The following SCUBE2 variants were observed in gnomAD, a reference collection of about 807,000 sequenced individuals.
The protein encoded by SCUBE2 is signal peptide, CUB and EGF-like domain-containing protein 2.
A neutral mutation model predicts 125.9 loss-of-function variants in SCUBE2; 114 were observed. The observed-to-expected ratio is 0.91, with a 90% CI of 0.78 to 1.06. SCUBE2 has a LOEUF of 1.06. Ranked by LOEUF, SCUBE2 falls within the 50% of genes least tolerant of loss-of-function variation. SCUBE2 has a pLI of 0.00. For missense variants in SCUBE2, 1,255 were observed against 1,301.8 expected (o/e 0.96, Z 0.55); for synonymous variants, 459 against 492.9 (o/e 0.93, Z 0.91).
chr11:9,086,943 T>A (rs1305753547), intron 2 of SCUBE2, among the ~76,000 whole-genome samples: 2 of 152,128 alleles, frequency 1.3e-5, no homozygotes, highest in Non-Finnish European at 2.9e-5. Context: ...TTCTAGGGTT[T>A]GAGTTCCAAA....
chr11:9,078,767 A>T (rs1054538601), intron 3 of SCUBE2, among the ~76,000 whole-genome samples: 15 of 152,354 alleles, frequency 9.8e-5, no homozygotes, highest in African/African-American at 3.6e-4. Context: ...GCATCCTCTA[A>T]GACTATCCAA....
At chr11:9,074,454 C>T (rs367944207) in intron 4 of SCUBE2, 27 bp downstream of exon 4, 30 of 1,612,814 alleles carry the variant, frequency 1.9e-5, no homozygotes, top group Middle Eastern at 3.3e-4. Context: ...TGTGGCTCTG[C>T]CCCCATCCAC....
At chr11:9,043,519 G>A (rs1211069779) in intron 16 of SCUBE2, among the ~76,000 whole-genome samples, 5 of 151,160 alleles carry the variant, frequency 3.3e-5, no homozygotes, top group African/African-American at 1.2e-4. Flanking sequence ...AAGGTCACTT[G>A]GAGAGCAGGC....
At chr11:9,025,936 C>T in intron 20 of SCUBE2, 82 bp from the exon 21 acceptor site, 1 of 1,393,408 alleles carries the variant, frequency 7.2e-7, no homozygotes. Flanking sequence ...TTTCTAAACA[C>T]TCAAACCATA....
intron 16 of SCUBE2, among the ~76,000 whole-genome samples, chr11:9,040,700 G>T (rs1337865806): frequency 6.6e-6 from 1 of 150,866 alleles, no homozygotes; most frequent in Non-Finnish European, 1.5e-5. Flanking sequence ...AGAAAGGGAG[G>T]ATTCATATTC....
intron 16 of SCUBE2, among the ~76,000 whole-genome samples, chr11:9,040,767 A>G (rs2135297750): frequency 6.6e-6 from 1 of 152,304 alleles, no homozygotes; most frequent in South Asian, 2.1e-4. Context: ...GAGGATTCAT[A>G]TCCCAGGCAG....
intron 7 of SCUBE2, among the ~76,000 whole-genome samples, chr11:9,065,627 T>C (rs1361092820): frequency 6.6e-6 from 1 of 152,144 alleles, no homozygotes; most frequent in African/African-American, 2.4e-5. Flanking sequence ...TCAGGGCAGT[T>C]TGCCAAGTCT....
At position 9,020,906 on chromosome 11, in the gene SCUBE2, TATC is replaced by T; in HGVS notation, c.*136_*138del. ...GTTCAATTTACCAAAATATCTGTAT[TATC>T]TATAAAAATTGAACTCTAATGAGTC... On this transcript the variant is annotated 3_prime_UTR_variant, in exon 23 of 23. Transcript: ENST00000649792. The T allele has an allele frequency of 1.5e-6, 1 of 678,462 alleles. No individual in the cohort carries two copies. Among genetic ancestry groups the T allele is most frequent in the Non-Finnish European group, 2.3e-6 (1 of 426,252 alleles). The allele number at this position is 678,462 out of a possible 1,614,324, so 42.0% of individuals were successfully genotyped here.
intron 12 of SCUBE2, 33 bp downstream of exon 12, chr11:9,053,066 G>A (rs748621142): frequency 5.7e-6 from 9 of 1,577,120 alleles, no homozygotes; most frequent in Admixed American, 5.0e-5. Flanking sequence ...GCCCCAGTGT[G>A]AGGACCTGCC....
rs1480409525 is a variant in SCUBE2 at position 9,019,747 on chromosome 11, G to A, written c.*1298C>T. The stretch of plus-strand genomic sequence containing the variant: ...AGTACTTTGGTATGGAGAATTGGCT[G>A]TGCATAGAATTGTTATTGAAATAAC... On this transcript the variant is annotated 3_prime_UTR_variant, in exon 23 of 23. Transcript: ENST00000649792. Among the ~76,000 whole-genome samples the A allele has an allele frequency of 6.6e-6, 1 of 152,150 alleles. No individual in the cohort carries two copies. The highest frequency in any genetic ancestry group is 1.9e-4 in the East Asian group (1 of 5,194).
chr11:9,068,689 C>G (rs1338769894), intron 5 of SCUBE2, among the ~76,000 whole-genome samples: 1 of 152,198 alleles, frequency 6.6e-6, no homozygotes, highest in Non-Finnish European at 1.5e-5. Context: ...ACTCATTTGC[C>G]ACTCACTCCC....
chr11:9,050,256 T>G (rs1858212486), intron 14 of SCUBE2: 1 of 193,554 alleles, frequency 5.2e-6, no homozygotes, highest in Non-Finnish European at 1.1e-5. Flanking sequence ...TGGCTTATAT[T>G]TCAAGCAAAA....
intron 7 of SCUBE2, among the ~76,000 whole-genome samples, chr11:9,061,008 C>T (rs1859626921): frequency 6.6e-6 from 1 of 152,136 alleles, no homozygotes; most frequent in African/African-American, 2.4e-5. Context: ...TTGCAACTGC[C>T]AATTTACTCA....
chr11:9,065,534 C>T (rs907489519), intron 7 of SCUBE2, among the ~76,000 whole-genome samples: 2 of 152,234 alleles, frequency 1.3e-5, no homozygotes, highest in Middle Eastern at 3.4e-3. Context: ...TTCTTTACAG[C>T]AGTATGAAAA....
chr11:9,030,810 G>A lies in SCUBE2; in HGVS notation c.2289C>T (p.Gly763=), dbSNP rs777173875. The A allele has an allele frequency of 5.6e-6, 9 of 1,614,190 alleles. No individual in the cohort carries two copies. The highest frequency in any genetic ancestry group is 7.6e-6 in the Non-Finnish European group (9 of 1,180,014). Residue 763 remains glycine, a synonymous_variant, in exon 18 of 23, where the codon GGC becomes GGT. Coordinates refer to ENST00000649792, the MANE Select transcript of SCUBE2 (RefSeq NM_001367977.2). ...TAGCTCCCTGATGTTTGGTGGCAAGGCCTCCTCCACAGGGGAAGCAGGAAG... is the reference window on the plus strand; with the variant it reads ...TAGCTCCCTGATGTTTGGTGGCAAGACCTCCTCCACAGGGGAAGCAGGAAG... ...GRTSCFPCGG[G]LATKHQGATS... is the part of the protein sequence containing the mutation.
chr11:9,066,720 T>C lies in SCUBE2; in HGVS notation c.737A>G (p.His246Arg), dbSNP rs1320351690. ...ECSCHPQYKM[H>R]TDGRSCLERE... is the part of the protein sequence containing the mutation. Reference sequence around the variant, plus strand: ...ACCAAGGCAGCTCCTCCCATCTGTGTGCATCTTGTACTGTGGATGGCAGCT... The same window carrying C: ...ACCAAGGCAGCTCCTCCCATCTGTGCGCATCTTGTACTGTGGATGGCAGCT... The change falls in exon 6 of 23, where the codon CAC becomes CGC. Residue 246 changes from histidine to arginine, a missense_variant. Around this residue, in one of 3 missense-constraint regions of SCUBE2, gnomAD observed 378 missense variants for 463.1 expected, o/e 0.82. Coordinates refer to ENST00000649792, the MANE Select transcript of SCUBE2 (RefSeq NM_001367977.2). The C allele has an allele frequency of 5.0e-6, 8 of 1,614,148 alleles. No individual in the cohort carries two copies. The highest frequency in any genetic ancestry group is 6.8e-6 in the Non-Finnish European group (8 of 1,180,004).
intron 2 of SCUBE2, among the ~76,000 whole-genome samples, chr11:9,082,251 A>T (rs531982575): frequency 6.6e-5 from 10 of 152,344 alleles, no homozygotes; most frequent in African/African-American, 2.4e-4. Context: ...TATAAGATAC[A>T]TGATTTGCAA....
intron 10 of SCUBE2, among the ~76,000 whole-genome samples, chr11:9,055,294 T>C (rs2039985047): frequency 6.6e-6 from 1 of 152,104 alleles, no homozygotes; most frequent in Non-Finnish European, 1.5e-5. Context: ...TTTTGCAAAA[T>C]GGGCACAGAG....
intron 7 of SCUBE2, 74 bp downstream of exon 7, chr11:9,065,817 C>A: frequency 7.6e-7 from 1 of 1,309,898 alleles, no homozygotes; most frequent in South Asian, 1.2e-5. Flanking sequence ...CTCCCAAGTT[C>A]AGGTCTGATG....
Sources: gnomAD v4.1 joint callset for allele counts (sites outside exome capture counted in the v4.1 genomes callset) on GRCh38, gnomAD v4.1.1 for gene constraint, gnomAD v4.1.1 regional missense constraint, MANE v1.5 for transcripts, NCBI Gene and HGNC (gene_info 2026-07-23, HGNC 2026-07-21) for gene names.